PPP3CA: variants seen among roughly 807,000 people sequenced by gnomAD.
The protein encoded by PPP3CA is protein phosphatase 3 catalytic subunit alpha.
A neutral mutation model predicts 66.5 loss-of-function variants in PPP3CA; 14 were observed. The observed-to-expected ratio is 0.21, with a 90% CI of 0.14 to 0.33. The LOEUF (loss-of-function observed/expected upper bound fraction) is 0.33. Ranked by LOEUF, PPP3CA falls within the 10% of genes least tolerant of loss-of-function variation. The pLI, the probability that PPP3CA is intolerant of heterozygous loss-of-function variation, is 1.00. For missense variants in PPP3CA, 317 were observed against 639.5 expected (o/e 0.50, Z 5.44); for synonymous variants, 232 against 226.2 (o/e 1.03, Z -0.23).
chr4:101,307,032 G>A (rs1728556600), intron 1 of PPP3CA, among the ~76,000 whole-genome samples: 1 of 152,104 alleles, frequency 6.6e-6, no homozygotes. Flanking sequence ...AAGAACCAAT[G>A]CTACTGGTGG....
chr4:101,194,674 C>A (rs942235576), intron 2 of PPP3CA, among the ~76,000 whole-genome samples: 1 of 152,050 alleles, frequency 6.6e-6, no homozygotes, highest in African/African-American at 2.4e-5. Flanking sequence ...TCAAGAGATT[C>A]TCCTGCCTCA....
At chr4:101,084,792 A>C (rs1729589638) in intron 6 of PPP3CA, among the ~76,000 whole-genome samples, 1 of 152,132 alleles carries the variant, frequency 6.6e-6, no homozygotes, top group Non-Finnish European at 1.5e-5. Context: ...AGGGAGAAAA[A>C]GAGGAGATAA....
At chr4:101,126,080 G>C (rs1233090866) in intron 2 of PPP3CA, among the ~76,000 whole-genome samples, 3 of 152,186 alleles carry the variant, frequency 2.0e-5, no homozygotes, top group Non-Finnish European at 1.5e-5. Context: ...CATATGCTGA[G>C]AAATCTGCTA....
Position 101,346,903 on chromosome 4 carries a change from G to A in PPP3CA, c.-107C>T. 7.3e-7 allele frequency: 1 copy of A among 1,366,768 alleles called. No individual in the cohort carries two copies. Among genetic ancestry groups the A allele is most frequent in the Non-Finnish European group, 1.0e-6 (1 of 987,548 alleles). 84.7% of individuals were successfully genotyped at this position (1,366,768 alleles called of 1,614,324 possible). A position where few individuals can be genotyped will look rare whatever the true frequency, so the allele number is the denominator to read the frequency against. ...CGCCGCCGCCGCCGCCGCCGCCGCC[G>A]CGCTGCAAACCGCTCGGCTGGAGGT... On this transcript the variant is annotated 5_prime_UTR_variant, in exon 1 of 14. Transcript: ENST00000394854.
chr4:101,255,658 T>C (rs1053845422), intron 1 of PPP3CA, among the ~76,000 whole-genome samples: 1 of 151,930 alleles, frequency 6.6e-6, no homozygotes, highest in South Asian at 2.1e-4. Context: ...ATAAAAGTAG[T>C]CTATTATTTT....
At chr4:101,173,764 G>GA (rs945814946) in intron 2 of PPP3CA, among the ~76,000 whole-genome samples, 2 of 151,868 alleles carry the variant, frequency 1.3e-5, no homozygotes, top group Admixed American at 6.6e-5. Context: ...ATTTCATTAA[G>GA]AAAAAAAAGA....
At chr4:101,123,161 C>G (rs1722082311) in intron 2 of PPP3CA, among the ~76,000 whole-genome samples, 1 of 152,106 alleles carries the variant, frequency 6.6e-6, no homozygotes, top group African/African-American at 2.4e-5. Flanking sequence ...ATTAATAATA[C>G]TAGGGTACAA....
chr4:101,142,978 T>G (rs763473671), intron 2 of PPP3CA, among the ~76,000 whole-genome samples: 9 of 152,112 alleles, frequency 5.9e-5, no homozygotes, highest in Non-Finnish European at 1.0e-4. Context: ...GATCTCACTC[T>G]ACTTTTTGCC....
At chr4:101,147,497 C>T (rs1231877252) in intron 2 of PPP3CA, among the ~76,000 whole-genome samples, 1 of 152,116 alleles carries the variant, frequency 6.6e-6, no homozygotes, top group East Asian at 1.9e-4. Flanking sequence ...GTTCCTATTA[C>T]AGTGAAGAGA....
chr4:101,305,604 A>G (rs1333258574), intron 1 of PPP3CA, among the ~76,000 whole-genome samples: 2 of 152,220 alleles, frequency 1.3e-5, no homozygotes, highest in Non-Finnish European at 1.5e-5. Flanking sequence ...GAGTACAAAT[A>G]TGGAGGAAAA....
intron 1 of PPP3CA, among the ~76,000 whole-genome samples, chr4:101,298,122 C>CTA (rs1553939679): frequency 6.6e-6 from 1 of 151,920 alleles, no homozygotes; most frequent in Non-Finnish European, 1.5e-5. Flanking sequence ...AGTATTTCTC[C>CTA]TATATATATC....
At chr4:101,199,258 A>G (rs528194648) in intron 1 of PPP3CA, among the ~76,000 whole-genome samples, 4 of 152,336 alleles carry the variant, frequency 2.6e-5, no homozygotes, top group Non-Finnish European at 5.9e-5. Context: ...ATCAGCTTGG[A>G]AAACATTTAT....
chr4:101,036,809 A>G (rs1008914120), intron 11 of PPP3CA, among the ~76,000 whole-genome samples: 1 of 151,976 alleles, frequency 6.6e-6, no homozygotes, highest in Admixed American at 6.5e-5. Flanking sequence ...AGTGCATCCT[A>G]CTCTTCCCGA....
chr4:101,339,053 AC>A (rs902295664), intron 1 of PPP3CA, among the ~76,000 whole-genome samples: 45 of 152,180 alleles, frequency 3.0e-4, no homozygotes, highest in African/African-American at 1.1e-3. Flanking sequence ...CGTTAGTGCC[AC>A]CTTTTTCTTA....
chr4:101,333,322 T>G (rs1729506247), intron 1 of PPP3CA, among the ~76,000 whole-genome samples: 3 of 118,650 alleles, frequency 2.5e-5, no homozygotes, highest in Admixed American at 9.4e-5. Flanking sequence ...AGAGATGAGG[T>G]CTCACTATGA....
chr4:101,155,495 G>C (rs1024809402), intron 2 of PPP3CA, among the ~76,000 whole-genome samples: 1 of 152,140 alleles, frequency 6.6e-6, no homozygotes. Context: ...ATGGGACAGA[G>C]GCAAGCACTC....
intron 1 of PPP3CA, among the ~76,000 whole-genome samples, chr4:101,277,695 G>A (rs1040530551): frequency 2.0e-5 from 3 of 152,100 alleles, no homozygotes; most frequent in Admixed American, 6.6e-5. Context: ...AATGTGCATT[G>A]GCTTTTACAT....
At chr4:101,208,373 C>T (rs2659533) in intron 1 of PPP3CA, among the ~76,000 whole-genome samples, 36,703 of 152,006 alleles carry the variant, frequency 0.24, 6,821 homozygotes, top group African/African-American at 0.5. Flanking sequence ...ACAACCACAG[C>T]GCAGTTCCAC....
At chr4:101,298,598 C>A (rs1194817072) in intron 1 of PPP3CA, among the ~76,000 whole-genome samples, 1 of 152,088 alleles carries the variant, frequency 6.6e-6, no homozygotes, top group Non-Finnish European at 1.5e-5. Context: ...TAGTAATTTT[C>A]TCTTCCTTAA....
Sources: allele counts gnomAD v4.1 joint callset (sites outside exome capture counted in the v4.1 genomes callset), GRCh38; gene constraint gnomAD v4.1.1; transcripts MANE v1.5; gene names NCBI Gene and HGNC (gene_info 2026-07-23, HGNC 2026-07-21).